Variants in ABCA5 observed in about 807,000 individuals in gnomAD.
ABCA5 encodes the protein cholesterol transporter ABCA5.
ABCA5 carries 163 observed loss-of-function variants against 206.0 expected under a neutral mutation model. That is an observed-to-expected ratio of 0.79 (90% CI 0.70 to 0.90). The LOEUF is 0.90. ABCA5 is among the 40% of genes least tolerant of loss of function. The pLI, the probability that ABCA5 is intolerant of heterozygous loss-of-function variation, is 0.00. For synonymous variants in ABCA5, 609 were observed against 613.8 expected (o/e 0.99, Z 0.11); for missense variants, 1,859 against 1,912.9 (o/e 0.97, Z 0.53).
intron 15 of ABCA5, among the ~76,000 whole-genome samples, chr17:69,286,953 G>C (rs1318728621): frequency 6.6e-6 from 1 of 152,186 alleles, no homozygotes; most frequent in Non-Finnish European, 1.5e-5. Context: ...TCCTTAGAAA[G>C]GCCTGCTTAC....
At chr17:69,262,250 A>T (rs78450215) in intron 24 of ABCA5, among the ~76,000 whole-genome samples, 2,340 of 152,262 alleles carry the variant, frequency 0.015, 48 homozygotes, top group African/African-American at 0.054. Flanking sequence ...GTTTTACTTT[A>T]GAATCAGGGG....
Position 69,313,694 on chromosome 17 carries a change from A to C in ABCA5, c.103-398T>G, listed in dbSNP as rs915905447. 1.3e-4 allele frequency among the ~76,000 whole-genome samples: 20 copies of C among 152,204 alleles called. 2 individuals carry two copies. ...AAATGCCTTTATTCAATTCTGAATT[A>C]GAAATCATACTTTAATTATACCTAA... On this transcript the variant is annotated intron_variant, in intron 2 of 38. Transcript: ENST00000392676.
At chr17:69,254,076 T>C (rs2075047688) in intron 32 of ABCA5, among the ~76,000 whole-genome samples, 1 of 152,190 alleles carries the variant, frequency 6.6e-6, no homozygotes, top group South Asian at 2.1e-4. Flanking sequence ...AAAATAAGTT[T>C]CATGATATCT....
chr17:69,317,431 G>GTACTGC (rs1179126400), intron 1 of ABCA5, among the ~76,000 whole-genome samples: 3 of 139,804 alleles, frequency 2.1e-5, no homozygotes, highest in African/African-American at 7.8e-5. Context: ...AAGGAATGAA[G>GTACTGC]TACTGCTATA....
Position 69,251,742 on chromosome 17 carries a change from T to C in ABCA5, c.4535+5A>G. The stretch of plus-strand genomic sequence containing the variant: ...CCCTGAATGGCACGCTATTTAGACA[T>C]CAACCTTAACTGCCCAGACACCATG... On this transcript the variant is annotated splice_donor_5th_base_variant and intron_variant, in intron 35 of 38. Transcript: ENST00000392676. The C allele has an allele frequency of 6.2e-7, 1 of 1,610,262 alleles. No homozygotes were observed. The highest frequency in any genetic ancestry group is 8.5e-7 in the Non-Finnish European group (1 of 1,179,226).
chr17:69,273,132 G>A lies in ABCA5; in HGVS notation c.2764+827C>T, dbSNP rs146608352. Reference sequence around the variant, plus strand: ...TTTTTTTCATATTTGACAACTACATGGTAAGAATACTAATAGCAAAGCCAA... The same window carrying A: ...TTTTTTTCATATTTGACAACTACATAGTAAGAATACTAATAGCAAAGCCAA... On this transcript the variant is annotated intron_variant, in intron 20 of 38. Coordinates refer to ENST00000392676, the MANE Select transcript of ABCA5 (RefSeq NM_172232.4). Among the ~76,000 whole-genome samples, 1,008 of 151,916 alleles carry A rather than the reference G, an allele frequency of 6.6e-3. 16 individuals are homozygous for A. Among genetic ancestry groups the A allele is most frequent in the African/African-American group, 0.023 (939 of 41,450 alleles).
intron 18 of ABCA5, among the ~76,000 whole-genome samples, chr17:69,279,323 G>C (rs1018277724): frequency 1.3e-5 from 2 of 151,642 alleles, no homozygotes; most frequent in Non-Finnish European, 2.9e-5. Context: ...TCCAACTTAC[G>C]AGGGATGTGA....
rs142334264 is a variant in ABCA5, at chr17:69,256,237, C to T, written c.3778G>A (p.Asp1260Asn). ...ACATCTTCATCTTCATCCTCATTGT[C>T]TGGTGGTTCTGGAAGCTTCCTATTT... is the stretch of plus-strand genomic sequence containing the variant. ...SKNRKLPEPP[D>N]NEDEDEDVKA... Residue 1260 changes from aspartate to asparagine, a missense_variant, in exon 29 of 39, where the codon GAC becomes AAC. By Grantham distance (23) the Asp-to-Asn change is conservative (BLOSUM62 1). Coordinates refer to ENST00000392676, the MANE Select transcript of ABCA5 (RefSeq NM_172232.4). 1.7e-4 allele frequency: 269 copies of T among 1,609,138 alleles called. No homozygotes were observed. The African/African-American group carries it at 2.9e-3, about 17-fold the overall frequency.
intron 1 of ABCA5, among the ~76,000 whole-genome samples, chr17:69,320,846 T>C (rs1007796197): frequency 6.6e-6 from 1 of 152,170 alleles, no homozygotes; most frequent in Non-Finnish European, 1.5e-5. Context: ...TGCATAATAA[T>C]GTAAACACTA....
At chr17:69,322,910 C>T (rs1419775457) in intron 1 of ABCA5, among the ~76,000 whole-genome samples, 2 of 152,268 alleles carry the variant, frequency 1.3e-5, no homozygotes, top group African/African-American at 4.8e-5. Flanking sequence ...TTAGAGCCAT[C>T]CTGATAAGAA....
At chr17:69,305,847 G>A (rs1459767834) in intron 6 of ABCA5, among the ~76,000 whole-genome samples, 1 of 151,998 alleles carries the variant, frequency 6.6e-6, no homozygotes, top group African/African-American at 2.4e-5. Flanking sequence ...CTCCAGCCTA[G>A]GTGACAGAGC....
At chr17:69,309,478 G>A in intron 3 of ABCA5, 55 bp from the exon 4 acceptor site, 2 of 1,169,266 alleles carry the variant, frequency 1.7e-6, no homozygotes, top group Non-Finnish European at 2.3e-6. Flanking sequence ...CCACAATACA[G>A]TAGATCAAGT....
chr17:69,258,814 G>A (rs542647821), intron 28 of ABCA5, among the ~76,000 whole-genome samples: 146 of 152,002 alleles, frequency 9.6e-4, no homozygotes, highest in Non-Finnish European at 1.9e-3. Flanking sequence ...AATTTTTAGT[G>A]GACAGTTCGA....
At position 69,250,547 on chromosome 17, in the gene ABCA5, C is replaced by G. The variant is rs1018197698; in HGVS notation, c.4610G>C (p.Trp1537Ser). ...GYFLEIKLKD[W>S]IENLEVDRLQ... Reference sequence around the variant, plus strand: ...GCGGTCTACTTCTAGGTTTTCTATCCAGTCCTTCAATTTAATTTCCAAAAA... The same window carrying G: ...GCGGTCTACTTCTAGGTTTTCTATCGAGTCCTTCAATTTAATTTCCAAAAA... The change falls in exon 36 of 39, where the codon TGG becomes TCG. Residue 1537 changes from tryptophan to serine, a missense_variant. Transcript: ENST00000392676. 6.2e-7 allele frequency: 1 copy of G among 1,604,510 alleles called. No homozygotes were observed. Among genetic ancestry groups the G allele is most frequent in the East Asian group, 2.3e-5 (1 of 44,418 alleles).
intron 7 of ABCA5, 64 bp downstream of exon 7, chr17:69,304,605 G>C (rs2075697394): frequency 7.5e-7 from 1 of 1,336,688 alleles, no homozygotes; most frequent in Non-Finnish European, 9.9e-7. Context: ...TGAAGAAAAA[G>C]ACTTTGCTAT....
intron 9 of ABCA5, among the ~76,000 whole-genome samples, chr17:69,299,746 GT>G (rs777809496): frequency 1.2e-4 from 19 of 152,216 alleles, no homozygotes; most frequent in Non-Finnish European, 1.9e-4. Flanking sequence ...ACTGGGTACA[GT>G]GTACATTGCT....
At chr17:69,255,508 A>G (rs2075065398) in intron 31 of ABCA5, 35 bp downstream of exon 31, 28 of 1,234,106 alleles carry the variant, frequency 2.3e-5, no homozygotes, top group Non-Finnish European at 2.8e-5. Context: ...AATATAAATC[A>G]CATTCAACAT....
intron 12 of ABCA5, among the ~76,000 whole-genome samples, chr17:69,290,962 GAATAAA>G (rs1435730611): frequency 1.6e-4 from 25 of 151,926 alleles, no homozygotes; most frequent in African/African-American, 5.8e-4. Flanking sequence ...TGAAAATGAT[GAATAAA>G]AACACATACA....
intron 11 of ABCA5, among the ~76,000 whole-genome samples, 160 bp downstream of exon 11, chr17:69,294,495 C>G (rs967883287): frequency 3.9e-5 from 6 of 152,058 alleles, no homozygotes; most frequent in Admixed American, 3.9e-4. Flanking sequence ...GCACTATAAC[C>G]TGGGTGACAG....
Sources: gnomAD v4.1 joint callset for allele counts (sites outside exome capture counted in the v4.1 genomes callset) on GRCh38, gnomAD v4.1.1 for gene constraint, MANE v1.5 for transcripts, NCBI Gene and HGNC (gene_info 2026-07-23, HGNC 2026-07-21) for gene names.